The following CYLD variants were observed in gnomAD, a reference collection of about 807,000 sequenced individuals.
CYLD encodes CYLD lysine 63 deubiquitinase, also known as ubiquitin carboxyl-terminal hydrolase CYLD.
A neutral mutation model predicts 104.5 loss-of-function variants in CYLD; 26 were observed. The ratio of observed to expected loss-of-function variants is 0.25; its 90% CI spans 0.18 to 0.35. The LOEUF is 0.35. Ranked by LOEUF, CYLD falls within the 10% of genes least tolerant of loss-of-function variation. CYLD has a pLI of 1.00. For missense variants in CYLD, 703 were observed against 1,136.1 expected (o/e 0.62, Z 5.48); for synonymous variants, 385 against 399.9 (o/e 0.96, Z 0.45).
chr16:50,754,986 T>C (rs148835058), intron 5 of CYLD, among the ~76,000 whole-genome samples: 322 of 15,264 alleles, frequency 0.021, 2 homozygotes, highest in Middle Eastern at 0.038. Context: ...TATACATATA[T>C]ACATATATAT....
At chr16:50,786,111 T>C (rs372802341) in intron 12 of CYLD, 3 of 152,358 alleles carry the variant, frequency 2.0e-5, no homozygotes, top group East Asian at 1.9e-4. Context: ...ATTATGCCAA[T>C]TGGTTTGATT....
At chr16:50,772,037 T>C (rs1028025913) in intron 5 of CYLD, among the ~76,000 whole-genome samples, 1 of 152,214 alleles carries the variant, frequency 6.6e-6, no homozygotes, top group Non-Finnish European at 1.5e-5. Context: ...TTATTCTAGA[T>C]CTTTTGCCTT....
chr16:50,786,673 T>C (rs1457016514), intron 12 of CYLD, 182 bp from the exon 13 acceptor site: 1 of 543,122 alleles, frequency 1.8e-6, no homozygotes, highest in East Asian at 3.2e-5. Flanking sequence ...GGCATGAGAA[T>C]CTCTTGAGCC....
rs559612819 is a variant in CYLD, at chr16:50,749,677, G to A, written c.-22G>A. ...TTAGTAGTTTCCCTTTTTTGAATTA[G>A]TATTTTGAAGTTAATATCACAATGA... is the stretch of plus-strand genomic sequence containing the variant. On this transcript the variant is annotated 5_prime_UTR_variant, in exon 3 of 19. Transcript: ENST00000427738. The A allele has an allele frequency of 9.9e-6, 16 of 1,610,650 alleles. No individual in the cohort carries two copies. In the African/African-American group the frequency reaches 1.7e-4, roughly 17 times the overall value.
chr16:50,777,804 A>C, intron 7 of CYLD, 21 bp from the exon 8 acceptor site: 1 of 1,342,572 alleles, frequency 7.4e-7, no homozygotes, highest in Non-Finnish European at 1.1e-6. Flanking sequence ...TTTTTAAATG[A>C]AACTTTTCTT....
Position 50,795,937 on chromosome 16 carries a change from G to A in CYLD, c.2687-387G>A, listed in dbSNP as rs192768225. Among the ~76,000 whole-genome samples the A allele has an allele frequency of 1.2e-3, 182 of 152,150 alleles. 4 individuals are homozygous for A. Among genetic ancestry groups the A allele is most frequent in the Admixed American group, 0.012 (178 of 15,290 alleles). On this transcript the variant is annotated intron_variant, in intron 18 of 18. Coordinates refer to ENST00000427738, the MANE Select transcript of CYLD (RefSeq NM_001378743.1). Reference sequence around the variant, plus strand: ...AGCTATAATAGCGTTCATTTGACTAGATCTATTCCAAATTGGACAGTCTTA... The same window carrying A: ...AGCTATAATAGCGTTCATTTGACTAAATCTATTCCAAATTGGACAGTCTTA...
At chr16:50,775,288 C>A in intron 6 of CYLD, 114 bp downstream of exon 6, 1 of 815,290 alleles carries the variant, frequency 1.2e-6, no homozygotes, top group Non-Finnish European at 2.0e-6. Context: ...TAGGAGTATT[C>A]TATGATCATT....
In CYLD at chr16:50,801,326, G is replaced by T. The variant is rs1366342244; in HGVS notation, c.*4818G>T. 3 of 233,348 alleles carry T rather than the reference G, an allele frequency of 1.3e-5. No individual in the cohort carries two copies. The highest frequency in any genetic ancestry group is 2.5e-5 in the Non-Finnish European group (3 of 118,062). 14.5% of individuals were successfully genotyped at this position (233,348 alleles called of 1,614,324 possible). A position where few individuals can be genotyped will look rare whatever the true frequency, so the allele number is the denominator to read the frequency against. ...ACTCAAGAACCACATTTGATTTCCT[G>T]GCCCTTTGCCTTGGCAGTGATGGCA... On this transcript the variant is annotated 3_prime_UTR_variant, in exon 19 of 19. Coordinates refer to ENST00000427738, the MANE Select transcript of CYLD (RefSeq NM_001378743.1).
At chr16:50,782,915 G>GTTT (rs1970376040) in intron 11 of CYLD, among the ~76,000 whole-genome samples, 1 of 103,574 alleles carries the variant, frequency 9.7e-6, no homozygotes, top group African/African-American at 3.7e-5. Context: ...AACAACTTAA[G>GTTT]ATTTTTTTTT....
Position 50,797,619 on chromosome 16 carries a change from A to G in CYLD, c.*1111A>G, listed in dbSNP as rs1972155776. 1 of 232,896 alleles carries G rather than the reference A, an allele frequency of 4.3e-6. No homozygotes were observed. The highest frequency in any genetic ancestry group is 1.8e-4 in the South Asian group (1 of 5,526). The allele number at this position is 232,896 out of a possible 1,614,324, so 14.4% of individuals were successfully genotyped here. On this transcript the variant is annotated 3_prime_UTR_variant, in exon 19 of 19. Transcript: ENST00000427738. ...GTGTTTAGACCACAGCGGATGTTGT[A>G]GACCAGGACCATAGATGATACATGT...
At chr16:50,782,526 G>C in intron 11 of CYLD, 60 bp downstream of exon 11, 1 of 1,054,582 alleles carries the variant, frequency 9.5e-7, no homozygotes. Context: ...ACACATACCG[G>C]TGTGTGTGTG....
intron 8 of CYLD, among the ~76,000 whole-genome samples, chr16:50,778,488 A>G: frequency 6.6e-6 from 1 of 152,222 alleles, no homozygotes; most frequent in Non-Finnish European, 1.5e-5. Flanking sequence ...TGTGCAGTGA[A>G]GGTGCATGAT....
chr16:50,748,445 G>T (rs1966374268), intron 2 of CYLD, among the ~76,000 whole-genome samples: 1 of 152,166 alleles, frequency 6.6e-6, no homozygotes, highest in Admixed American at 6.5e-5. Flanking sequence ...AACCTTGGAA[G>T]GCCAAGGTGG....
intron 12 of CYLD, chr16:50,785,395 G>T (rs1970706604): frequency 6.6e-6 from 1 of 152,080 alleles, no homozygotes; most frequent in Admixed American, 6.5e-5. Flanking sequence ...AATTATAAGA[G>T]AATAAATTTC....
Position 50,749,783 on chromosome 16 carries a change from A to C in CYLD, c.85A>C (p.Ser29Arg), listed in dbSNP as rs1966471166. ...RIFYLLLQEC[S>R]VTDKQTQKLL... ...TTTTTACTTGCTTCTTCAAGAATGC[A>C]GCGTTACAGACAAACAAACACAAAA... Residue 29 changes from serine to arginine, a missense_variant, in exon 3 of 19, where the codon AGC becomes CGC. Physicochemically the swap from Ser to Arg is moderately radical, Grantham distance 110. Around this residue, in one of 5 missense-constraint regions of CYLD, gnomAD observed 142 missense variants for 165.1 expected, o/e 0.86. Coordinates refer to ENST00000427738, the MANE Select transcript of CYLD (RefSeq NM_001378743.1). The C allele has an allele frequency of 6.2e-7, 1 of 1,613,914 alleles. No homozygotes were observed. The highest frequency in any genetic ancestry group is 8.5e-7 in the Non-Finnish European group (1 of 1,179,964).
intron 5 of CYLD, among the ~76,000 whole-genome samples, chr16:50,756,018 T>C (rs1824777811): frequency 6.6e-6 from 1 of 152,210 alleles, no homozygotes; most frequent in Non-Finnish European, 1.5e-5. Context: ...CTTTGATCCC[T>C]CTATAAGGCA....
Position 50,801,763 on chromosome 16 carries a change from A to G in CYLD, c.*5255A>G, listed in dbSNP as rs988735503. On this transcript the variant is annotated 3_prime_UTR_variant, in exon 19 of 19. Coordinates refer to ENST00000427738, the MANE Select transcript of CYLD (RefSeq NM_001378743.1). ...TTATTTCTTGTCTGCAGAACATCCT[A>G]TATTTATGAGAACATTCTTTAAGAA... 8.6e-6 allele frequency: 2 copies of G among 233,164 alleles called. No homozygotes were observed. The highest frequency in any genetic ancestry group is 1.7e-5 in the Non-Finnish European group (2 of 117,780). 14.4% of individuals were successfully genotyped at this position (233,164 alleles called of 1,614,324 possible). A position where few individuals can be genotyped will look rare whatever the true frequency, so the allele number is the denominator to read the frequency against.
rs776728436 is a variant in CYLD, at chr16:50,794,440, G to A, written c.2686+12G>A. On this transcript the variant is annotated intron_variant, in intron 18 of 18. Transcript: ENST00000427738. This position sits in a 1 kb window ranked among gnomAD's most constrained non-coding sequence, Gnocchi z 4.1. Reference sequence around the variant, plus strand: ...GGCCGATCGGGATGGTACTGAAAACGCCTTTCTTCTGCATGTGGCACAGGG... The same window carrying A: ...GGCCGATCGGGATGGTACTGAAAACACCTTTCTTCTGCATGTGGCACAGGG... 6 of 1,613,400 alleles carry A rather than the reference G, an allele frequency of 3.7e-6. No homozygotes were observed. The South Asian group carries it at 5.5e-5, about 15-fold the overall frequency.
At chr16:50,758,899 A>G (rs1967584305) in intron 5 of CYLD, among the ~76,000 whole-genome samples, 1 of 152,206 alleles carries the variant, frequency 6.6e-6, no homozygotes, top group Non-Finnish European at 1.5e-5. Flanking sequence ...ATACGAATTC[A>G]TGTTTAATCC....
Sources: gnomAD v4.1 joint callset for allele counts (sites outside exome capture counted in the v4.1 genomes callset) on GRCh38, gnomAD v4.1.1 for gene constraint, gnomAD v4.1.1 regional missense constraint, Gnocchi (gnomAD v3.1) non-coding constraint, MANE v1.5 for transcripts, NCBI Gene and HGNC (gene_info 2026-07-23, HGNC 2026-07-21) for gene names.